The following KREMEN1 variants were observed in gnomAD, a reference collection of about 807,000 sequenced individuals.
KREMEN1 encodes the protein kremen protein 1.
In KREMEN1, 30 loss-of-function variants were observed where a neutral mutation model predicts 46.5. That is an observed-to-expected ratio of 0.65 (90% CI 0.48 to 0.88). KREMEN1 has a LOEUF of 0.88. Among genes scored for constraint, KREMEN1 ranks in the 40% least tolerant of loss-of-function variants. The pLI, the probability that KREMEN1 is intolerant of heterozygous loss-of-function variation, is 0.00. For synonymous variants in KREMEN1, 214 were observed against 230.6 expected (o/e 0.93, Z 0.65); for missense variants, 533 against 596.9 (o/e 0.89, Z 1.11).
At chr22:29,136,671 C>T (rs1481855919) in intron 5 of KREMEN1, among the ~76,000 whole-genome samples, 1 of 152,038 alleles carries the variant, frequency 6.6e-6, no homozygotes, top group East Asian at 1.9e-4. Flanking sequence ...GACAGGAAAT[C>T]ACTGCATCCC....
Position 29,145,437 on chromosome 22 carries a change from G to A in KREMEN1, c.*3325G>A, listed in dbSNP as rs527606493. 1.2e-5 allele frequency: 12 copies of A among 985,438 alleles called. No homozygotes were observed. Among genetic ancestry groups the A allele is most frequent in the Middle Eastern group, 5.2e-4 (1 of 1,936 alleles). 61.0% of individuals were successfully genotyped at this position (985,438 alleles called of 1,614,324 possible). A position where few individuals can be genotyped will look rare whatever the true frequency, so the allele number is the denominator to read the frequency against. ...GGAGGAGGCTGCACTGGGCCTGCGT[G>A]CCATCCTCACCCCTGTTCCCCGCTG... is the stretch of plus-strand genomic sequence containing the variant. On this transcript the variant is annotated 3_prime_UTR_variant, in exon 9 of 9. Coordinates refer to ENST00000400335, the MANE Select transcript of KREMEN1 (RefSeq NM_001039570.3).
Position 29,144,583 on chromosome 22 carries a change from A to G in KREMEN1, c.*2471A>G, listed in dbSNP as rs2038822769. 1.0e-6 allele frequency: 1 copy of G among 985,532 alleles called. No homozygotes were observed. The highest frequency in any genetic ancestry group is 1.2e-6 in the Non-Finnish European group (1 of 829,974). 61.0% of individuals were successfully genotyped at this position (985,532 alleles called of 1,614,324 possible). On this transcript the variant is annotated 3_prime_UTR_variant, in exon 9 of 9. Coordinates refer to ENST00000400335, the MANE Select transcript of KREMEN1 (RefSeq NM_001039570.3). Reference sequence around the variant, plus strand: ...ACACGTGCAGTCTCCCCTCCAAGCTATTCATGCTGTTTGTGGAATCTCTCT... The same window carrying G: ...ACACGTGCAGTCTCCCCTCCAAGCTGTTCATGCTGTTTGTGGAATCTCTCT...
At chr22:29,141,106 C>T (rs1190497989) in intron 8 of KREMEN1, among the ~76,000 whole-genome samples, 1 of 152,200 alleles carries the variant, frequency 6.6e-6, no homozygotes, top group African/African-American at 2.4e-5. Context: ...CTACAGACTT[C>T]TTATACATTA....
chr22:29,090,367 C>T (rs2037787173), intron 1 of KREMEN1, among the ~76,000 whole-genome samples: 1 of 152,072 alleles, frequency 6.6e-6, no homozygotes, highest in Non-Finnish European at 1.5e-5. Flanking sequence ...ACAGCAGACA[C>T]TGGGGTCTAC....
intron 8 of KREMEN1, among the ~76,000 whole-genome samples, chr22:29,141,042 G>A: frequency 6.6e-6 from 1 of 152,150 alleles, no homozygotes; most frequent in Non-Finnish European, 1.5e-5. Context: ...CCCTGAAAAT[G>A]TATGTATGTC....
At chr22:29,099,148 G>A (rs1306487773) in intron 3 of KREMEN1, 195 bp downstream of exon 3, 1 of 550,520 alleles carries the variant, frequency 1.8e-6, no homozygotes, top group East Asian at 3.1e-5. Context: ...GATTTCCTTA[G>A]CACCTCATTC....
chr22:29,167,088 G>T (rs1327221162), exon 10 of KREMEN1: 2 of 1,551,510 alleles, frequency 1.3e-6, no homozygotes, highest in African/African-American at 2.7e-5. Context: ...GGTCTCAGGG[G>T]CAGCCCAGAA....
chr22:29,111,609 G>A (rs1247040085), intron 3 of KREMEN1: 6 of 72,054 alleles, frequency 8.3e-5, no homozygotes, highest in East Asian at 7.4e-4. Flanking sequence ...GCGAGACTCC[G>A]TCTCAAAAAA....
chr22:29,080,113 T>G (rs2037631033), intron 1 of KREMEN1, among the ~76,000 whole-genome samples: 1 of 152,228 alleles, frequency 6.6e-6, no homozygotes, highest in South Asian at 2.1e-4. Flanking sequence ...GGATGGGGAC[T>G]GTCCTTTTAA....
rs544469111 is a variant in KREMEN1, at chr22:29,143,434, G to A, written c.*1322G>A. The A allele has an allele frequency of 7.1e-6, 7 of 985,168 alleles. No individual in the cohort carries two copies. The highest frequency in any genetic ancestry group is 1.0e-3 in the Middle Eastern group (2 of 1,912). 61.0% of individuals were successfully genotyped at this position (985,168 alleles called of 1,614,324 possible). A position where few individuals can be genotyped will look rare whatever the true frequency, so the allele number is the denominator to read the frequency against. On this transcript the variant is annotated 3_prime_UTR_variant, in exon 9 of 9. Coordinates refer to ENST00000400335, the MANE Select transcript of KREMEN1 (RefSeq NM_001039570.3). ...GTGGTCCTTCCTTCTGGTGTCCCCCGTGTTAAAAGATAAAAAACACCCCAA... is the reference window on the plus strand; with the variant it reads ...GTGGTCCTTCCTTCTGGTGTCCCCCATGTTAAAAGATAAAAAACACCCCAA...
Position 29,146,424 on chromosome 22 carries a change from G to T in KREMEN1, c.*4312G>T. On this transcript the variant is annotated 3_prime_UTR_variant, in exon 9 of 9. Coordinates refer to ENST00000400335, the MANE Select transcript of KREMEN1 (RefSeq NM_001039570.3). ...AGTTGGGTACGGAGGCAGAAGTGGG[G>T]TGTGGAGGAAAGTCAGAGGGAAATC... The T allele has an allele frequency of 1.0e-6, 1 of 985,740 alleles. No homozygotes were observed. The highest frequency in any genetic ancestry group is 1.2e-6 in the Non-Finnish European group (1 of 829,972). 61.1% of individuals were successfully genotyped at this position (985,740 alleles called of 1,614,324 possible). A position where few individuals can be genotyped will look rare whatever the true frequency, so the allele number is the denominator to read the frequency against.
chr22:29,090,244 C>G (rs1478519832), intron 1 of KREMEN1, among the ~76,000 whole-genome samples: 2 of 152,176 alleles, frequency 1.3e-5, no homozygotes, highest in African/African-American at 4.8e-5. Flanking sequence ...GTGTTTCTTA[C>G]TGGTTTAAGC....
chr22:29,144,903 A>T lies in KREMEN1; in HGVS notation c.*2791A>T. On this transcript the variant is annotated 3_prime_UTR_variant, in exon 9 of 9. Coordinates refer to ENST00000400335, the MANE Select transcript of KREMEN1 (RefSeq NM_001039570.3). Reference sequence around the variant, plus strand: ...TCGGAGGGCCTGGGAGGTGCTGGGGATGCCCCAGCGCTTCTCTTCCTGCCT... The same window carrying T: ...TCGGAGGGCCTGGGAGGTGCTGGGGTTGCCCCAGCGCTTCTCTTCCTGCCT... The T allele has an allele frequency of 2.0e-6, 2 of 985,472 alleles. No individual in the cohort carries two copies. Among genetic ancestry groups the T allele is most frequent in the Non-Finnish European group, 2.4e-6 (2 of 829,980 alleles). The allele number at this position is 985,472 out of a possible 1,614,324, so 61.0% of individuals were successfully genotyped here. A position where few individuals can be genotyped will look rare whatever the true frequency, so the allele number is the denominator to read the frequency against.
intron 1 of KREMEN1, among the ~76,000 whole-genome samples, chr22:29,092,633 G>A (rs1311675804): frequency 2.0e-5 from 3 of 152,188 alleles, no homozygotes; most frequent in Non-Finnish European, 2.9e-5. Context: ...TATGGTACAC[G>A]AAGAGTTGCA....
chr22:29,081,133 T>TC (rs1308330657), intron 1 of KREMEN1, among the ~76,000 whole-genome samples: 12 of 152,012 alleles, frequency 7.9e-5, no homozygotes, highest in Non-Finnish European at 1.6e-4. Context: ...ATGCTATCCC[T>TC]CCCCACTCCC....
rs143119236 is a variant in KREMEN1 at position 29,122,794 on chromosome 22, C to T, written c.477+1313C>T. ...CTGTACTAAAAATACAAAAATTAGC[C>T]GGGCATGGTGGTGTGTGCCTGTAAT... On this transcript the variant is annotated intron_variant, in intron 4 of 8. Transcript: ENST00000400335. 9.6e-4 allele frequency among the ~76,000 whole-genome samples: 146 copies of T among 151,660 alleles called. 2 individuals carry two copies. Among genetic ancestry groups the T allele is most frequent in the Middle Eastern group, 3.4e-3 (1 of 294 alleles).
intron 9 of KREMEN1, among the ~76,000 whole-genome samples, chr22:29,161,424 G>A (rs1453229189): frequency 6.7e-6 from 1 of 149,724 alleles, no homozygotes; most frequent in Non-Finnish European, 1.5e-5. Flanking sequence ...GGAGAATGGC[G>A]TGAACCCGGG....
intron 5 of KREMEN1, among the ~76,000 whole-genome samples, chr22:29,131,865 C>CTTTT (rs71196633): frequency 3.9e-4 from 18 of 45,828 alleles, no homozygotes; most frequent in East Asian, 2.9e-3. Context: ...TAGAATAATG[C>CTTTT]TTTTTTTTTT....
chr22:29,095,886 C>A lies in KREMEN1; in HGVS notation c.260+1466C>A, dbSNP rs887523008. On this transcript the variant is annotated intron_variant, in intron 2 of 8. Coordinates refer to ENST00000400335, the MANE Select transcript of KREMEN1 (RefSeq NM_001039570.3). Reference sequence around the variant, plus strand: ...AAAAGCTTATTCTTAAAAAAAAAAACTTCTCCAACACCACAAATATATGTG... The same window carrying A: ...AAAAGCTTATTCTTAAAAAAAAAAAATTCTCCAACACCACAAATATATGTG... Among the ~76,000 whole-genome samples, 21 of 150,322 alleles carry A rather than the reference C, an allele frequency of 1.4e-4. No individual in the cohort carries two copies. In the East Asian group the frequency reaches 3.1e-3, roughly 22 times the overall value.
Sources: gnomAD v4.1 joint callset for allele counts (sites outside exome capture counted in the v4.1 genomes callset) on GRCh38, gnomAD v4.1.1 for gene constraint, MANE v1.5 for transcripts, NCBI Gene and HGNC (gene_info 2026-07-23, HGNC 2026-07-21) for gene names.